The following ACOT11 variants were observed in gnomAD, a reference collection of about 807,000 sequenced individuals.
The protein encoded by ACOT11 is acyl-coenzyme A thioesterase 11.
A neutral mutation model predicts 77.5 loss-of-function variants in ACOT11; 69 were observed. The observed-to-expected ratio is 0.89, with a 90% CI of 0.73 to 1.09. The LOEUF is 1.09. ACOT11 is among the 50% of genes least tolerant of loss of function. The probability of loss-of-function intolerance (pLI) is 0.00; values close to 1 mark genes in which losing one functional copy is unlikely to be tolerated. For synonymous variants in ACOT11, 279 were observed against 313.0 expected (o/e 0.89, Z 1.15); for missense variants, 766 against 813.7 (o/e 0.94, Z 0.71).
chr1:54,548,914 T>A (rs1652968971), intron 1 of ACOT11, among the ~76,000 whole-genome samples: 1 of 152,226 alleles, frequency 6.6e-6, no homozygotes, highest in East Asian at 1.9e-4. Flanking sequence ...GAGCTGAGAT[T>A]AGTTGCTGAG....
rs779016755 is a variant in ACOT11 at position 54,604,383 on chromosome 1, T to A, written c.1190T>A (p.Met397Lys). The change falls in exon 12 of 16, where the codon ATG becomes AAG. Residue 397 changes from methionine to lysine, a missense_variant. By Grantham distance (95) the Met-to-Lys change is moderately conservative. Transcript: ENST00000343744. ...LSYNNVSSLK[M>K]LVAKDNWVLS... ...TACAATAACGTCTCCTCCTTGAAGA[T>A]GCTTGTGGCCAAGGACAACTGGGTG... The A allele has an allele frequency of 6.2e-7, 1 of 1,614,066 alleles. No homozygotes were observed. Among genetic ancestry groups the A allele is most frequent in the South Asian group, 1.1e-5 (1 of 91,082 alleles).
intron 1 of ACOT11, among the ~76,000 whole-genome samples, chr1:54,564,357 G>T (rs1300014001): frequency 6.6e-6 from 1 of 152,278 alleles, no homozygotes; most frequent in Non-Finnish European, 1.5e-5. Context: ...CAGCACCCGG[G>T]CTGTGGCCCA....
downstream of ACOT11, among the ~76,000 whole-genome samples, chr1:54,614,270 A>G (rs1002598068): frequency 6.6e-6 from 1 of 152,282 alleles, no homozygotes; most frequent in Non-Finnish European, 1.5e-5. Flanking sequence ...GGAAGGAATC[A>G]AGGTTTTAGA....
In ACOT11 at chr1:54,594,713, A is replaced by T. The variant is rs375971119; in HGVS notation, c.607+22A>T. On this transcript the variant is annotated intron_variant, in intron 6 of 15. Coordinates refer to ENST00000343744, the MANE Select transcript of ACOT11 (RefSeq NM_147161.4). Reference sequence around the variant, plus strand: ...GGCGGTGAGCAGCTGCCAGCTGTGCATGGGGAGGGTAGCTGGCGTCCTGCA... The same window carrying T: ...GGCGGTGAGCAGCTGCCAGCTGTGCTTGGGGAGGGTAGCTGGCGTCCTGCA... 22 of 1,597,960 alleles carry T rather than the reference A, an allele frequency of 1.4e-5. No individual in the cohort carries two copies. The African/African-American group carries it at 2.9e-4, about 21-fold the overall frequency.
intron 1 of ACOT11, among the ~76,000 whole-genome samples, chr1:54,558,372 G>C (rs1448576937): frequency 6.6e-6 from 1 of 152,202 alleles, no homozygotes; most frequent in East Asian, 1.9e-4. Context: ...CTGTGAAGTA[G>C]ATAATTGTGT....
At position 54,607,378 on chromosome 1, in the gene ACOT11, T is replaced by C; in HGVS notation, c.1502+113T>C. The C allele has an allele frequency of 6.6e-7, 1 of 1,523,432 alleles. No homozygotes were observed. Among genetic ancestry groups the C allele is most frequent in the South Asian group, 1.2e-5 (1 of 80,368 alleles). The allele number at this position is 1,523,432 out of a possible 1,614,324, so 94.4% of individuals were successfully genotyped here. A position where few individuals can be genotyped will look rare whatever the true frequency, so the allele number is the denominator to read the frequency against. ...CTGGAGCCAGAGCTCTGCTTCCCATTGGCTGTGGGGCCCCAGGCACCACTA... is the reference window on the plus strand; with the variant it reads ...CTGGAGCCAGAGCTCTGCTTCCCATCGGCTGTGGGGCCCCAGGCACCACTA... On this transcript the variant is annotated intron_variant, in intron 14 of 15. Coordinates refer to ENST00000343744, the MANE Select transcript of ACOT11 (RefSeq NM_147161.4). This position sits in a 1 kb window ranked among gnomAD's most constrained non-coding sequence, Gnocchi z 4.5.
At chr1:54,551,536 C>G (rs72901620) in intron 1 of ACOT11, among the ~76,000 whole-genome samples, 12,591 of 152,122 alleles carry the variant, frequency 0.083, 891 homozygotes, top group African/African-American at 0.18. Flanking sequence ...GGCACTGAGT[C>G]TCACATTTCT....
Position 54,592,596 on chromosome 1 carries a change from C to T in ACOT11, c.362C>T (p.Ser121Phe). The T allele has an allele frequency of 1.2e-6, 2 of 1,613,492 alleles. No homozygotes were observed. The highest frequency in any genetic ancestry group is 2.2e-5 in the East Asian group (1 of 44,836). Residue 121 changes from serine (S) to phenylalanine (F), a missense_variant, in exon 4 of 16, where the codon TCC becomes TTC. Ser to Phe is a radical substitution (Grantham distance 155). Coordinates refer to ENST00000343744, the MANE Select transcript of ACOT11 (RefSeq NM_147161.4). ...GCCAAGGTGAACCGGGCCTTCAACT[C>T]CAGCATGGAGGTGTGTGGGGTGGGC... Reference protein sequence around the residue: ...IKAKVNRAFNSSMEVGIQVAS... With the variant: ...IKAKVNRAFNFSMEVGIQVAS...
chr1:54,566,990 G>C (rs1460466531), intron 1 of ACOT11, among the ~76,000 whole-genome samples: 2 of 152,136 alleles, frequency 1.3e-5, no homozygotes, highest in African/African-American at 4.8e-5. Flanking sequence ...CTTTGAATGG[G>C]AGGAGTAGCA....
Position 54,584,849 on chromosome 1 carries a change from G to C in ACOT11, c.228G>C (p.Thr76=), listed in dbSNP as rs201771220. The change falls in exon 2 of 16, where the codon ACG becomes ACC. Residue 76 remains threonine, a synonymous_variant. Transcript: ENST00000343744. This position sits in a 1 kb window ranked among gnomAD's most constrained non-coding sequence, Gnocchi z 6.3. ...AGCTGCTCAAGTGGATTGACACCAC[G>C]GCTTGCCTGTCCGGTAAGGCTGCGC... is the stretch of plus-strand genomic sequence containing the variant. ...VGQLLKWIDT[T]ACLSAERHAG... 1.2e-6 allele frequency: 2 copies of C among 1,613,192 alleles called. No homozygotes were observed. The highest frequency in any genetic ancestry group is 4.5e-5 in the East Asian group (2 of 44,842).
At chr1:54,558,714 A>G (rs1390038471) in intron 1 of ACOT11, among the ~76,000 whole-genome samples, 5 of 152,146 alleles carry the variant, frequency 3.3e-5, no homozygotes, top group African/African-American at 1.2e-4. Context: ...TCCTCACTCC[A>G]CTTGGAGTGG....
At chr1:54,563,886 T>C (rs868294552) in intron 1 of ACOT11, among the ~76,000 whole-genome samples, 4 of 152,140 alleles carry the variant, frequency 2.6e-5, no homozygotes, top group African/African-American at 9.6e-5. Context: ...GCCAACATGG[T>C]GAAACCCCAT....
intron 15 of ACOT11, among the ~76,000 whole-genome samples, chr1:54,619,368 C>T (rs1038221732): frequency 3.9e-5 from 6 of 152,226 alleles, no homozygotes; most frequent in Non-Finnish European, 7.3e-5. Context: ...GGCTTAACTG[C>T]TTTCAGACAG....
At position 54,609,339 on chromosome 1, in the gene ACOT11, T is replaced by C; in HGVS notation, c.*227T>C. On this transcript the variant is annotated 3_prime_UTR_variant, in exon 16 of 16. Transcript: ENST00000343744. ...GGTAGCCTGTAGTAGACTCGGGTCC[T>C]GTCCACAGCCCTAGCTGCCAGCAAT... 2 of 1,614,144 alleles carry C rather than the reference T, an allele frequency of 1.2e-6. No individual in the cohort carries two copies. Among genetic ancestry groups the C allele is most frequent in the Non-Finnish European group, 1.7e-6 (2 of 1,179,978 alleles).
chr1:54,619,477 T>C (rs1032072878), intron 15 of ACOT11, among the ~76,000 whole-genome samples: 4 of 152,184 alleles, frequency 2.6e-5, no homozygotes, highest in African/African-American at 9.6e-5. Context: ...CAGGAGAACC[T>C]GTGTGTAATG....
At chr1:54,633,051 A>G (rs1644310044) in intron 16 of ACOT11, among the ~76,000 whole-genome samples, 1 of 152,150 alleles carries the variant, frequency 6.6e-6, no homozygotes, top group South Asian at 2.1e-4. Context: ...GGGACTAGAA[A>G]AAGATTTGCA....
At chr1:54,583,547 C>T (rs1312484726) in intron 1 of ACOT11, among the ~76,000 whole-genome samples, 1 of 152,138 alleles carries the variant, frequency 6.6e-6, no homozygotes, top group Non-Finnish European at 1.5e-5. Context: ...CCCAGGAGGC[C>T]CTGCAAGCAG....
chr1:54,558,784 G>C (rs1653359615), intron 1 of ACOT11, among the ~76,000 whole-genome samples: 1 of 152,218 alleles, frequency 6.6e-6, no homozygotes, highest in Non-Finnish European at 1.5e-5. Flanking sequence ...CTGCAGGCTG[G>C]GGGTCCAGGC....
chr1:54,562,270 G>GA (rs1653538597), intron 1 of ACOT11, among the ~76,000 whole-genome samples: 1 of 113,754 alleles, frequency 8.8e-6, no homozygotes, highest in African/African-American at 4.0e-5. Context: ...GCGGGGGGCT[G>GA]ACCCCCCACC....
Sources: gnomAD v4.1 joint callset for allele counts (sites outside exome capture counted in the v4.1 genomes callset) on GRCh38, gnomAD v4.1.1 for gene constraint, Gnocchi (gnomAD v3.1) non-coding constraint, MANE v1.5 for transcripts, NCBI Gene and HGNC (gene_info 2026-07-23, HGNC 2026-07-21) for gene names.